Variants in TDRD5 observed in about 807,000 individuals in gnomAD.
TDRD5 encodes the protein tudor domain-containing protein 5.
Under a neutral mutation model 120.6 loss-of-function variants are expected in TDRD5, and 41 were observed. That is an observed-to-expected ratio of 0.34 (90% CI 0.26 to 0.44). The LOEUF is 0.44. Ranked by LOEUF, TDRD5 falls within the 20% of genes least tolerant of loss-of-function variation. The probability of loss-of-function intolerance (pLI) is 1.00; values close to 1 mark genes in which losing one functional copy is unlikely to be tolerated. For synonymous variants in TDRD5, 430 were observed against 433.7 expected (o/e 0.99, Z 0.11); for missense variants, 1,006 against 1,221.2 (o/e 0.82, Z 2.63).
chr1:179,613,824 G>A (rs924231788), intron 4 of TDRD5, among the ~76,000 whole-genome samples: 1 of 152,192 alleles, frequency 6.6e-6, no homozygotes, highest in Non-Finnish European at 1.5e-5. Context: ...GGGGAGTAGA[G>A]AGGGATACAT....
intron 5 of TDRD5, among the ~76,000 whole-genome samples, chr1:179,620,712 G>C (rs1026851688): frequency 2.4e-4 from 37 of 152,036 alleles, no homozygotes; most frequent in Non-Finnish European, 5.1e-4. Context: ...GCTTGAAACT[G>C]TGCTATAGGA....
Position 179,669,356 on chromosome 1 carries a change from T to TGTG in TDRD5, c.2814_2815insGGT (p.Cys938_Ser939insGly). On this transcript the variant is annotated inframe_insertion, in exon 17 of 18. Coordinates refer to ENST00000444136, the MANE Select transcript of TDRD5 (RefSeq NM_001199085.3). ...AATTCAGCTTTCCACAGCAGCACCC[T>TGTG]GTTCAACAACTGCAGTGGATGATTC... The TGTG allele has an allele frequency of 6.2e-7, 1 of 1,614,216 alleles. No individual in the cohort carries two copies. The highest frequency in any genetic ancestry group is 1.1e-5 in the South Asian group (1 of 91,092).
chr1:179,594,927 T>G (rs1675305398), intron 3 of TDRD5, among the ~76,000 whole-genome samples: 1 of 152,214 alleles, frequency 6.6e-6, no homozygotes, highest in Non-Finnish European at 1.5e-5. Context: ...AGAAAGCACT[T>G]TACCAATTTA....
At chr1:179,631,323 C>T (rs1376342304) in intron 7 of TDRD5, among the ~76,000 whole-genome samples, 2 of 152,028 alleles carry the variant, frequency 1.3e-5, no homozygotes, top group South Asian at 2.1e-4. Flanking sequence ...ACCCGGGAGG[C>T]GGAGCTTGCC....
chr1:179,678,441 A>T (rs781530527), intron 17 of TDRD5, among the ~76,000 whole-genome samples: 1 of 152,084 alleles, frequency 6.6e-6, no homozygotes, highest in Non-Finnish European at 1.5e-5. Flanking sequence ...AGCTTTCCCT[A>T]TTTGCTCCAA....
intron 17 of TDRD5, among the ~76,000 whole-genome samples, chr1:179,673,978 C>A (rs1454332185): frequency 1.3e-5 from 2 of 151,882 alleles, no homozygotes; most frequent in African/African-American, 4.8e-5. Flanking sequence ...TCTAGGTATA[C>A]AATCATATCA....
At chr1:179,683,734 G>A (rs1419425987) in intron 17 of TDRD5, among the ~76,000 whole-genome samples, 1 of 152,178 alleles carries the variant, frequency 6.6e-6, no homozygotes, top group East Asian at 1.9e-4. Flanking sequence ...TTCCAGCAGT[G>A]GACTATACTG....
Position 179,648,600 on chromosome 1 carries a change from A to T in TDRD5, c.1801-2267A>T, listed in dbSNP as rs188287798. Among the ~76,000 whole-genome samples the T allele has an allele frequency of 1.4e-3, 211 of 151,658 alleles. 1 individual carries two copies. Among genetic ancestry groups the T allele is most frequent in the Admixed American group, 0.011 (171 of 15,208 alleles). On this transcript the variant is annotated intron_variant, in intron 11 of 17. Coordinates refer to ENST00000444136, the MANE Select transcript of TDRD5 (RefSeq NM_001199085.3). ...CCTAAAACTTAAAGTATAATAATAA[A>T]AAAAAAAAGAAACAAACCACCCTGA...
intron 2 of TDRD5, 132 bp from the exon 3 acceptor site, chr1:179,593,328 G>C: frequency 9.9e-7 from 1 of 1,005,960 alleles, no homozygotes; most frequent in Non-Finnish European, 1.4e-6. Flanking sequence ...GAGGAACCAA[G>C]AGTTACTGTT....
chr1:179,634,622 T>C lies in TDRD5; in HGVS notation c.1292T>C (p.Leu431Ser), dbSNP rs746972157. The C allele has an allele frequency of 6.2e-7, 1 of 1,609,852 alleles. No homozygotes were observed. Among genetic ancestry groups the C allele is most frequent in the East Asian group, 2.2e-5 (1 of 44,856 alleles). Residue 431 changes from leucine (L) to serine (S), a missense_variant, in exon 8 of 18, where the codon TTA becomes TCA. Transcript: ENST00000444136. ...AAGCCTAATCTGGTGGTAAAGCCTTTACAGCTGGTGAGTGAGGTTTAAAGA... is the reference window on the plus strand; with the variant it reads ...AAGCCTAATCTGGTGGTAAAGCCTTCACAGCTGGTGAGTGAGGTTTAAAGA... Reference protein sequence around the residue: ...CKKPNLVVKPLQLQVETNKSE... With the variant: ...CKKPNLVVKPSQLQVETNKSE...
intron 15 of TDRD5, among the ~76,000 whole-genome samples, chr1:179,662,868 A>G (rs570638094): frequency 1.3e-5 from 2 of 152,244 alleles, no homozygotes; most frequent in African/African-American, 4.8e-5. Flanking sequence ...GGCCCTTAGG[A>G]TCTATAAATA....
chr1:179,592,896 TG>T, intron 2 of TDRD5, 49 bp downstream of exon 2: 1 of 1,538,416 alleles, frequency 6.5e-7, no homozygotes, highest in Middle Eastern at 1.8e-4. Flanking sequence ...TAAAAACAAT[TG>T]CTTAGTAAAT....
intron 17 of TDRD5, among the ~76,000 whole-genome samples, chr1:179,669,891 A>G (rs1679765382): frequency 6.6e-6 from 1 of 151,998 alleles, no homozygotes; most frequent in Non-Finnish European, 1.5e-5. Context: ...AATATTTTAG[A>G]GTTTCGTTTA....
In TDRD5 at chr1:179,639,755, G is replaced by A. The variant is rs561526924; in HGVS notation, c.1521-84G>A. 36 of 1,444,118 alleles carry A rather than the reference G, an allele frequency of 2.5e-5. No individual in the cohort carries two copies. In the Admixed American group the frequency reaches 5.6e-4, roughly 23 times the overall value. 89.5% of individuals were successfully genotyped at this position (1,444,118 alleles called of 1,614,324 possible). On this transcript the variant is annotated intron_variant, in intron 9 of 17. Transcript: ENST00000444136. ...TTTTCTTTTCTTTGCTTTTTGCCAA[G>A]ACTTTCTGGCTTGATACATTGATAA...
Position 179,662,256 on chromosome 1 carries a change from G to A in TDRD5, c.2475G>A (p.Gln825=). 2 of 1,607,898 alleles carry A rather than the reference G, an allele frequency of 1.2e-6. No homozygotes were observed. The highest frequency in any genetic ancestry group is 1.7e-6 in the Non-Finnish European group (2 of 1,178,252). ...CTGCAAGCCTTGGTGGAAAGAATCA[G>A]TATTCATCATGTAAAGAAATGCCAC... ...LFTASLGGKN[Q]YSSCKEMPQK... The change falls in exon 15 of 18, where the codon CAG becomes CAA. Residue 825 remains glutamine, a synonymous_variant. Transcript: ENST00000444136.
intron 17 of TDRD5, among the ~76,000 whole-genome samples, chr1:179,686,361 G>A (rs1178087677): frequency 3.3e-5 from 5 of 152,214 alleles, no homozygotes; most frequent in Non-Finnish European, 7.3e-5. Flanking sequence ...ATTTGCATAT[G>A]TTGAACCAGC....
intron 11 of TDRD5, among the ~76,000 whole-genome samples, chr1:179,647,513 G>C (rs1327912676): frequency 6.6e-6 from 1 of 151,674 alleles, no homozygotes; most frequent in African/African-American, 2.4e-5. Context: ...AGAAAACCTA[G>C]GCATTACCAT....
intron 4 of TDRD5, among the ~76,000 whole-genome samples, chr1:179,610,611 C>A (rs189727376): frequency 6.6e-6 from 1 of 152,158 alleles, no homozygotes; most frequent in Non-Finnish European, 1.5e-5. Flanking sequence ...AATGTCAATC[C>A]TTGAAAGATG....
At chr1:179,660,120 T>C (rs1043046734) in intron 14 of TDRD5, among the ~76,000 whole-genome samples, 1 of 152,066 alleles carries the variant, frequency 6.6e-6, no homozygotes, top group African/African-American at 2.4e-5. Context: ...TTTTTCTGTT[T>C]GTTCCCCTGA....
Sources: allele counts gnomAD v4.1 joint callset (sites outside exome capture counted in the v4.1 genomes callset), GRCh38; gene constraint gnomAD v4.1.1; transcripts MANE v1.5; gene names NCBI Gene and HGNC (gene_info 2026-07-23, HGNC 2026-07-21).